Variants in ATAD5 observed in about 807,000 individuals in gnomAD.
ATAD5 encodes the protein ATPase family AAA domain containing 5, also known as ATPase family AAA domain-containing protein 5.
A neutral mutation model predicts 176.9 loss-of-function variants in ATAD5; 58 were observed. The ratio of observed to expected loss-of-function variants is 0.33; its 90% CI spans 0.27 to 0.41. The LOEUF (loss-of-function observed/expected upper bound fraction) is 0.41, where lower values mean the gene tolerates loss of function less well. ATAD5 is among the 10% of genes least tolerant of loss of function. The pLI is 1.00. For missense variants in ATAD5, 1,789 were observed against 2,094.1 expected, an observed-to-expected ratio of 0.85 and a Z score of 2.84; for synonymous variants, 640 against 712.6, an observed-to-expected ratio of 0.90 and a Z score of 1.62.
rs897503499 is a variant in ATAD5 at position 30,840,558 on chromosome 17, A to G, written c.2077-59A>G. ...GTGATTTGTGATTGTATTTTTTTCT[A>G]TTATTAAATATAAAATATTTTCTTG... On this transcript the variant is annotated intron_variant, in intron 3 of 22. Coordinates refer to ENST00000321990, the MANE Select transcript of ATAD5 (RefSeq NM_024857.5). 13 of 1,156,294 alleles carry G rather than the reference A, an allele frequency of 1.1e-5. 1 individual carries two copies. Among genetic ancestry groups the G allele is most frequent in the Non-Finnish European group, 3.5e-6 (3 of 854,996 alleles). 71.6% of individuals were successfully genotyped at this position (1,156,294 alleles called of 1,614,324 possible).
intron 19 of ATAD5, 62 bp downstream of exon 19, chr17:30,887,434 T>C: frequency 7.0e-7 from 1 of 1,428,808 alleles, no homozygotes; most frequent in Admixed American, 2.1e-5. Flanking sequence ...ATCTGTGCTA[T>C]GGCTGGGTGC....
intron 3 of ATAD5, among the ~76,000 whole-genome samples, chr17:30,839,057 C>T (rs1423852230): frequency 6.6e-6 from 1 of 151,652 alleles, no homozygotes; most frequent in Non-Finnish European, 1.5e-5. Flanking sequence ...AACTGCTAGC[C>T]TCAAGCAATC....
intron 11 of ATAD5, among the ~76,000 whole-genome samples, chr17:30,867,460 A>G (rs1485926344): frequency 2.6e-5 from 4 of 152,202 alleles, no homozygotes; most frequent in African/African-American, 9.6e-5. Context: ...ACCAAGGCCT[A>G]GAGAGGCTGA....
At position 30,860,586 on chromosome 17, in the gene ATAD5, C is replaced by G. The variant is rs1907572071; in HGVS notation, c.3110C>G (p.Ser1037Cys). The change falls in exon 10 of 23, where the codon TCT becomes TGT. Residue 1037 changes from serine to cysteine, a missense_variant. By Grantham distance (112) the Ser-to-Cys change is moderately radical. Around this residue, in one of 6 missense-constraint regions of ATAD5, gnomAD observed 487 missense variants for 573.6 expected, o/e 0.85. Coordinates refer to ENST00000321990, the MANE Select transcript of ATAD5 (RefSeq NM_024857.5). ...GAACTTAGCAAAAGAAACAACTCTT[C>G]TGGGATAAAGCTAGATTCTTCCAAA... ...SEELSKRNNS[S>C]GIKLDSSKDS... 8 of 1,578,442 alleles carry G rather than the reference C, an allele frequency of 5.1e-6. No individual in the cohort carries two copies. The highest frequency in any genetic ancestry group is 6.8e-6 in the Non-Finnish European group (8 of 1,171,546).
In ATAD5 at chr17:30,869,324, A is replaced by G; in HGVS notation, c.3390A>G (p.Ile1130Met). The G allele has an allele frequency of 1.2e-6, 2 of 1,614,106 alleles. No individual in the cohort carries two copies. Among genetic ancestry groups the G allele is most frequent in the East Asian group, 4.5e-5 (2 of 44,884 alleles). Residue 1130 changes from isoleucine (I) to methionine (M), a missense_variant, in exon 13 of 23, where the codon ATA becomes ATG. This residue lies in a region of ATAD5 where 487 missense variants were observed against 573.6 expected (regional missense o/e 0.85). Coordinates refer to ENST00000321990, the MANE Select transcript of ATAD5 (RefSeq NM_024857.5). ...GTCGTCTTTGCAATACTGTCCTTAT[A>G]ACAGGGCCAACAGGAGTGGGAAAAA... is the stretch of plus-strand genomic sequence containing the variant. ...EESRLCNTVL[I>M]TGPTGVGKTA...
chr17:30,892,753 T>G lies in ATAD5; in HGVS notation c.4405T>G (p.Phe1469Val), dbSNP rs1909706407. Residue 1469 changes from phenylalanine (F) to valine (V), a missense_variant, in exon 20 of 23, where the codon TTT becomes GTT. By Grantham distance (50) the Phe-to-Val change is conservative. Coordinates refer to ENST00000321990, the MANE Select transcript of ATAD5 (RefSeq NM_024857.5). ...AETLFGLKNI[F>V]SPSEDLFSFL... ...GACCTTGTTTGGCCTTAAGAACATTTTTTCCCCATCTGAAGACTTATTTTC... is the reference window on the plus strand; with the variant it reads ...GACCTTGTTTGGCCTTAAGAACATTGTTTCCCCATCTGAAGACTTATTTTC... 1 of 1,578,632 alleles carries G rather than the reference T, an allele frequency of 6.3e-7. No homozygotes were observed. The highest frequency in any genetic ancestry group is 2.3e-5 in the East Asian group (1 of 43,288).
chr17:30,866,212 T>TTTTC (rs1907968665), intron 11 of ATAD5, among the ~76,000 whole-genome samples: 4 of 137,144 alleles, frequency 2.9e-5, no homozygotes, highest in Non-Finnish European at 6.3e-5. Context: ...TTTTTTTTTT[T>TTTTC]TTCAAGACAG....
At chr17:30,832,580 T>C (rs1905448512) in intron 1 of ATAD5, among the ~76,000 whole-genome samples, 167 bp downstream of exon 1, 1 of 152,180 alleles carries the variant, frequency 6.6e-6, no homozygotes, top group Admixed American at 6.5e-5. Flanking sequence ...GTGTGTCGTT[T>C]AGAGTCGTGT....
intron 9 of ATAD5, among the ~76,000 whole-genome samples, chr17:30,858,593 C>A (rs566978985): frequency 6.6e-6 from 1 of 151,946 alleles, no homozygotes; most frequent in Middle Eastern, 3.2e-3. Flanking sequence ...ACCATGTTGG[C>A]CAGGCTCGTC....
chr17:30,870,904 G>A (rs1908296639), intron 14 of ATAD5, among the ~76,000 whole-genome samples: 1 of 151,930 alleles, frequency 6.6e-6, no homozygotes, highest in African/African-American at 2.4e-5. Flanking sequence ...TTGTGCTTGG[G>A]ATTTGTTGAG....
chr17:30,857,214 A>C, intron 8 of ATAD5, 102 bp downstream of exon 8: 1 of 1,319,008 alleles, frequency 7.6e-7, no homozygotes, highest in Non-Finnish European at 1.0e-6. Flanking sequence ...GTGTTGTCCT[A>C]GAGTTTAATT....
chr17:30,871,002 C>T (rs1328478288), intron 14 of ATAD5, among the ~76,000 whole-genome samples: 1 of 151,728 alleles, frequency 6.6e-6, no homozygotes, highest in Admixed American at 6.6e-5. Flanking sequence ...TCTGTCCTCC[C>T]CTTTTCCTTT....
rs890291725 is a variant in ATAD5, at chr17:30,842,307, A to C, written c.2241+1526A>C. 2.7e-4 allele frequency among the ~76,000 whole-genome samples: 41 copies of C among 152,084 alleles called. No individual in the cohort carries two copies. The East Asian group carries it at 5.0e-3, about 19-fold the overall frequency. ...TAAATAAATAAATAAATAATAAATA[A>C]AATAAAATAGTGAAAATAATGAATA... On this transcript the variant is annotated intron_variant, in intron 4 of 22. Transcript: ENST00000321990.
intron 19 of ATAD5, among the ~76,000 whole-genome samples, chr17:30,891,032 A>G (rs557845987): frequency 6.6e-6 from 1 of 152,286 alleles, no homozygotes; most frequent in East Asian, 1.9e-4. Flanking sequence ...ATTATCTTCA[A>G]TTTGTCATTA....
chr17:30,879,428 A>G lies in ATAD5; in HGVS notation c.4018A>G (p.Thr1340Ala), dbSNP rs769704096. The G allele has an allele frequency of 1.9e-6, 3 of 1,597,382 alleles. No individual in the cohort carries two copies. The highest frequency in any genetic ancestry group is 2.6e-6 in the Non-Finnish European group (3 of 1,175,700). Reference protein sequence around the residue: ...RPVILTTSDPTFSLMFDGCFE... With the variant: ...RPVILTTSDPAFSLMFDGCFE... ...GTGTGTGTGTGTGTGTGTAGACCCA[A>G]CATTTAGTTTAATGTTTGATGGCTG... Residue 1340 changes from threonine to alanine, a missense_variant, in exon 18 of 23, where the codon ACA (threonine) becomes GCA (alanine). By Grantham distance (58) the Thr-to-Ala change is moderately conservative (BLOSUM62 0). Coordinates refer to ENST00000321990, the MANE Select transcript of ATAD5 (RefSeq NM_024857.5).
chr17:30,834,651 A>C lies in ATAD5; in HGVS notation c.570A>C (p.Lys190Asn). Residue 190 changes from lysine to asparagine, a missense_variant, in exon 2 of 23, where the codon AAA becomes AAC. Physicochemically the swap from Lys to Asn is moderately conservative, Grantham distance 94. Transcript: ENST00000321990. ...TGACCTCCCTGCAAAATTCTAAAAAAGTAAATCCTAAACAAGGGACCACAA... is the reference window on the plus strand; with the variant it reads ...TGACCTCCCTGCAAAATTCTAAAAACGTAAATCCTAAACAAGGGACCACAA... ...NTMTSLQNSK[K>N]VNPKQGTTKN... 6.2e-7 allele frequency: 1 copy of C among 1,609,964 alleles called. No individual in the cohort carries two copies. The highest frequency in any genetic ancestry group is 8.5e-7 in the Non-Finnish European group (1 of 1,179,096).
At chr17:30,878,207 G>A in intron 17 of ATAD5, 111 bp downstream of exon 17, 1 of 750,168 alleles carries the variant, frequency 1.3e-6, no homozygotes, top group Non-Finnish European at 2.2e-6. Context: ...TTTTAAAATT[G>A]ATACTACTTT....
chr17:30,881,914 C>G (rs1032855797), intron 18 of ATAD5, among the ~76,000 whole-genome samples: 2 of 150,250 alleles, frequency 1.3e-5, no homozygotes, highest in African/African-American at 4.9e-5. Flanking sequence ...CCCTGTCCCC[C>G]CCCCAAAAAA....
intron 1 of ATAD5, among the ~76,000 whole-genome samples, chr17:30,833,179 T>A (rs1905485641): frequency 6.6e-6 from 1 of 151,484 alleles, no homozygotes; most frequent in Non-Finnish European, 1.5e-5. Flanking sequence ...ACTTAGTTTT[T>A]GTTTTTGTTT....
Sources: gnomAD v4.1 joint callset for allele counts (sites outside exome capture counted in the v4.1 genomes callset) on GRCh38, gnomAD v4.1.1 for gene constraint, gnomAD v4.1.1 regional missense constraint, MANE v1.5 for transcripts, NCBI Gene and HGNC (gene_info 2026-07-23, HGNC 2026-07-21) for gene names.